Variants in EPC1 observed in about 807,000 individuals in gnomAD.
EPC1 encodes enhancer of polycomb homolog 1.
Under a neutral mutation model 98.4 loss-of-function variants are expected in EPC1, and 12 were observed. The ratio of observed to expected loss-of-function variants is 0.12; its 90% CI spans 0.08 to 0.20. The LOEUF (loss-of-function observed/expected upper bound fraction) is 0.20. EPC1 is among the 10% of genes least tolerant of loss of function. The pLI is 1.00. For synonymous variants in EPC1, 357 were observed against 363.9 expected (o/e 0.98, Z 0.21); for missense variants, 729 against 990.5 (o/e 0.74, Z 3.54).
intron 1 of EPC1, among the ~76,000 whole-genome samples, chr10:32,328,667 A>G (rs908370574): frequency 2.0e-5 from 3 of 152,190 alleles, no homozygotes; most frequent in Non-Finnish European, 2.9e-5. Flanking sequence ...CAGGGAGCAG[A>G]CCTAGTGCTG....
chr10:32,318,010 T>C (rs1196144232), intron 1 of EPC1, among the ~76,000 whole-genome samples: 1 of 152,222 alleles, frequency 6.6e-6, no homozygotes, highest in Non-Finnish European at 1.5e-5. Flanking sequence ...ATTCTGATTC[T>C]GTCCTCTCAT....
chr10:32,299,926 T>A (rs1203497529), intron 2 of EPC1, among the ~76,000 whole-genome samples: 4 of 152,074 alleles, frequency 2.6e-5, no homozygotes, highest in African/African-American at 7.2e-5. Flanking sequence ...TTTTTTTTTT[T>A]ATTTTGAGAC....
chr10:32,369,385 C>G (rs1331493678), intron 1 of EPC1, among the ~76,000 whole-genome samples: 1 of 151,978 alleles, frequency 6.6e-6, no homozygotes, highest in East Asian at 1.9e-4. Flanking sequence ...GACAAGTAGG[C>G]CTTCAGAATA....
chr10:32,361,322 G>A (rs1002857519), intron 1 of EPC1, among the ~76,000 whole-genome samples: 2 of 152,172 alleles, frequency 1.3e-5, no homozygotes, highest in Non-Finnish European at 2.9e-5. Flanking sequence ...CAGGCATTGT[G>A]TTGGGGATCA....
intron 1 of EPC1, among the ~76,000 whole-genome samples, chr10:32,312,855 G>A (rs921380089): frequency 1.3e-5 from 2 of 152,114 alleles, no homozygotes; most frequent in African/African-American, 4.8e-5. Flanking sequence ...GGAAGAAGAT[G>A]CAAAATGGTA....
chr10:32,364,021 T>C (rs1839523721), intron 1 of EPC1, among the ~76,000 whole-genome samples: 2 of 134,624 alleles, frequency 1.5e-5, no homozygotes, highest in Non-Finnish European at 1.6e-5. Context: ...TTTTTTTTTT[T>C]TTTTTTTTTT....
intron 1 of EPC1, among the ~76,000 whole-genome samples, chr10:32,307,388 C>T (rs12263827): frequency 0.013 from 1,992 of 152,290 alleles, 49 homozygotes; most frequent in African/African-American, 0.046. Context: ...ATTCCTCATT[C>T]CTTAAGTAAC....
At position 32,284,721 on chromosome 10, in the gene EPC1, C is replaced by G. The variant is rs780361729; in HGVS notation, c.1721G>C (p.Ser574Thr). The change falls in exon 10 of 14, where the codon AGT (serine) becomes ACT (threonine). Residue 574 changes from serine to threonine, a missense_variant. Physicochemically the swap from Ser to Thr is moderately conservative, Grantham distance 58. Transcript: ENST00000319778. ...QTCSTSTQSK[S>T]SSGSAHFAFT... is the part of the protein sequence containing the mutation. ...ACCAAAGTGTGCTGAACCACTGCTA[C>G]TTTTACTTTGCGTAGAGGTACTGCA... 4 of 1,613,384 alleles carry G rather than the reference C, an allele frequency of 2.5e-6. No homozygotes were observed. The highest frequency in any genetic ancestry group is 3.4e-6 in the Non-Finnish European group (4 of 1,179,482).
chr10:32,336,674 C>G (rs1313480698), intron 1 of EPC1, among the ~76,000 whole-genome samples: 1 of 152,114 alleles, frequency 6.6e-6, no homozygotes, highest in East Asian at 1.9e-4. Flanking sequence ...ATAGGATAAA[C>G]TACCTCATCC....
chr10:32,340,706 C>T (rs1297204851), intron 1 of EPC1, among the ~76,000 whole-genome samples: 2 of 152,050 alleles, frequency 1.3e-5, no homozygotes, highest in East Asian at 1.9e-4. Context: ...TACCTGTAGT[C>T]TCAGCTACTT....
chr10:32,318,183 T>A (rs1836668923), intron 1 of EPC1, among the ~76,000 whole-genome samples: 1 of 152,184 alleles, frequency 6.6e-6, no homozygotes, highest in South Asian at 2.1e-4. Context: ...TTGAATCATT[T>A]CCCCAAAATT....
intron 13 of EPC1, among the ~76,000 whole-genome samples, chr10:32,269,852 A>G (rs1003463144): frequency 6.6e-5 from 10 of 152,174 alleles, no homozygotes; most frequent in African/African-American, 2.4e-4. Flanking sequence ...TGGTTTGGAA[A>G]CTACAGGCCA....
chr10:32,289,054 A>T lies in EPC1; in HGVS notation c.976-1780T>A, dbSNP rs1200209646. 3.3e-5 allele frequency among the ~76,000 whole-genome samples: 5 copies of T among 152,148 alleles called. No individual in the cohort carries two copies. In the East Asian group the frequency reaches 9.7e-4, roughly 29 times the overall value. On this transcript the variant is annotated intron_variant, in intron 6 of 13. Transcript: ENST00000319778. ...CAGTGAGCCAAGATTGCGCCACTGC[A>T]CTCCAGCCTGGGTGACAGAGCAAGA...
upstream of EPC1, among the ~76,000 whole-genome samples, chr10:32,351,556 G>A (rs1839109905): frequency 6.6e-6 from 1 of 151,714 alleles, no homozygotes; most frequent in South Asian, 2.1e-4. Flanking sequence ...TACTCAGGAG[G>A]CTGAGGCAGG....
chr10:32,275,515 C>T (rs964353230), intron 10 of EPC1, among the ~76,000 whole-genome samples: 2 of 152,020 alleles, frequency 1.3e-5, no homozygotes, highest in African/African-American at 4.8e-5. Flanking sequence ...GCCTGTAATC[C>T]CAGCACTCTG....
chr10:32,320,045 C>A (rs1041233), intron 1 of EPC1, among the ~76,000 whole-genome samples: 148,954 of 152,266 alleles, frequency 0.98, 72,931 homozygotes, highest in East Asian at 1. Flanking sequence ...TTGGGAAAAA[C>A]ATATGTGTGT....
intron 1 of EPC1, among the ~76,000 whole-genome samples, chr10:32,338,311 T>C (rs1838103616): frequency 6.6e-6 from 1 of 152,112 alleles, no homozygotes; most frequent in Admixed American, 6.5e-5. Context: ...CCTCAAAATA[T>C]ATCTCAAATC....
chr10:32,287,918 CTG>C (rs1451063411), intron 6 of EPC1, among the ~76,000 whole-genome samples: 4 of 152,102 alleles, frequency 2.6e-5, no homozygotes, highest in Non-Finnish European at 5.9e-5. Context: ...GCAACAGTAA[CTG>C]AGCTGATGGA....
chr10:32,344,926 C>G (rs138252416), intron 1 of EPC1, among the ~76,000 whole-genome samples: 2 of 152,326 alleles, frequency 1.3e-5, no homozygotes, highest in East Asian at 3.9e-4. Context: ...TTCACAGAAG[C>G]AAGACTTAAC....
Sources: gnomAD v4.1 joint callset for allele counts (sites outside exome capture counted in the v4.1 genomes callset) on GRCh38, gnomAD v4.1.1 for gene constraint, MANE v1.5 for transcripts, NCBI Gene and HGNC (gene_info 2026-07-23, HGNC 2026-07-21) for gene names.